The following MAPK10 variants were observed in gnomAD, a reference collection of about 807,000 sequenced individuals.
The protein encoded by MAPK10 is mitogen-activated protein kinase 10.
In MAPK10, 25 loss-of-function variants were observed where a neutral mutation model predicts 59.3. The ratio of observed to expected loss-of-function variants is 0.42; its 90% CI spans 0.31 to 0.59. The LOEUF is 0.59. MAPK10 is among the 20% of genes least tolerant of loss of function. The pLI is 0.15. For synonymous variants in MAPK10, 190 were observed against 200.5 expected, an observed-to-expected ratio of 0.95 and a Z score of 0.44; for missense variants, 351 against 568.9, an observed-to-expected ratio of 0.62 and a Z score of 3.90.
At chr4:86,133,708 G>A (rs2061411336) in intron 4 of MAPK10, among the ~76,000 whole-genome samples, 3 of 152,208 alleles carry the variant, frequency 2.0e-5, no homozygotes, top group Admixed American at 2.0e-4. Flanking sequence ...GATTTTGGGT[G>A]TTGAGCCAGA....
chr4:86,590,344 A>C (rs1239114844), intron 1 of MAPK10, among the ~76,000 whole-genome samples: 1 of 152,070 alleles, frequency 6.6e-6, no homozygotes, highest in African/African-American at 2.4e-5. Context: ...TCTAATTTAT[A>C]CTTTATTTTA....
intron 11 of MAPK10, among the ~76,000 whole-genome samples, chr4:86,038,348 ATAT>A (rs1400940223): frequency 6.6e-6 from 1 of 152,192 alleles, no homozygotes; most frequent in Non-Finnish European, 1.5e-5. Flanking sequence ...AAAGTAAATG[ATAT>A]TATATCTTAC....
intron 2 of MAPK10, among the ~76,000 whole-genome samples, chr4:86,281,976 C>T (rs961379229): frequency 6.6e-6 from 1 of 151,996 alleles, no homozygotes; most frequent in Non-Finnish European, 1.5e-5. Flanking sequence ...TAGATAAAGG[C>T]CATGGCTATC....
rs61747621 is a variant in MAPK10, at chr4:86,064,296, G to C, written c.1080C>G (p.Asn360Lys). The change falls in exon 11 of 14, where the codon AAC (asparagine) becomes AAG (lysine). Residue 360 changes from asparagine (N) to lysine (K), a missense_variant. Asn to Lys is a moderately conservative substitution (Grantham distance 94, BLOSUM62 0). This residue lies in a region of MAPK10 where 155 missense variants were observed against 204.2 expected (regional missense o/e 0.76). Transcript: ENST00000641462. ...VDDALQHPYINVWYDPAEVEA... is the reference protein window; with the variant it reads ...VDDALQHPYIKVWYDPAEVEA... ...CCACTTCGGCTGGGTCATACCAGAC[G>C]TTGATGTAGGGATGCTGTAAGGCGT... 1.2e-6 allele frequency: 2 copies of C among 1,614,134 alleles called. No homozygotes were observed.
chr4:86,322,394 A>C (rs1419473875), intron 2 of MAPK10, among the ~76,000 whole-genome samples: 1 of 152,260 alleles, frequency 6.6e-6, no homozygotes, highest in African/African-American at 2.4e-5. Context: ...CAGAGAATAA[A>C]GCAGCAGAAA....
chr4:86,589,155 A>G (rs1315414679), intron 1 of MAPK10, among the ~76,000 whole-genome samples: 2 of 151,286 alleles, frequency 1.3e-5, no homozygotes, highest in Non-Finnish European at 3.0e-5. Flanking sequence ...TTGGTAACAG[A>G]AAAAAAAATG....
intron 1 of MAPK10, among the ~76,000 whole-genome samples, chr4:86,393,186 T>G (rs192806313): frequency 2.6e-5 from 4 of 152,196 alleles, no homozygotes; most frequent in Admixed American, 1.3e-4. Context: ...AAAGGAACGG[T>G]TTTTACCCCC....
chr4:86,245,980 T>C (rs1023963574), intron 2 of MAPK10, among the ~76,000 whole-genome samples: 1 of 152,190 alleles, frequency 6.6e-6, no homozygotes, highest in Non-Finnish European at 1.5e-5. Context: ...TTAGAATAAA[T>C]AGGCAAATAA....
rs2056726651 is a variant in MAPK10, at chr4:86,107,343, A to G, written c.246T>C (p.Tyr82=). 6 of 1,612,870 alleles carry G rather than the reference A, an allele frequency of 3.7e-6. No individual in the cohort carries two copies. Among genetic ancestry groups the G allele is most frequent in the Middle Eastern group, 1.6e-4 (1 of 6,068 alleles). ...SGAQGIVCAA[Y]DAVLDRNVAI... Reference sequence around the variant, plus strand: ...CCACATTTCTGTCAAGGACAGCATCATACGCGGCACTGTAGAGATCCAAGA... The same window carrying G: ...CCACATTTCTGTCAAGGACAGCATCGTACGCGGCACTGTAGAGATCCAAGA... Residue 82 remains tyrosine (Y), a synonymous_variant, in exon 5 of 14, where the codon TAT becomes TAC. Transcript: ENST00000641462.
At chr4:86,218,363 G>A (rs1417061893) in intron 2 of MAPK10, among the ~76,000 whole-genome samples, 1 of 152,016 alleles carries the variant, frequency 6.6e-6, no homozygotes, top group Non-Finnish European at 1.5e-5. Context: ...TCTATTTTTA[G>A]TAGAGACAGG....
chr4:86,019,909 T>C (rs148333803), intron 13 of MAPK10, among the ~76,000 whole-genome samples: 66 of 152,360 alleles, frequency 4.3e-4, no homozygotes, highest in Non-Finnish European at 7.3e-4. Flanking sequence ...AGGTATAGAA[T>C]GATGCTCATA....
intron 2 of MAPK10, among the ~76,000 whole-genome samples, chr4:86,297,889 G>A (rs2095398444): frequency 6.6e-6 from 1 of 152,170 alleles, no homozygotes; most frequent in South Asian, 2.1e-4. Flanking sequence ...AGATGGCATA[G>A]AAGATCTCTC....
intron 2 of MAPK10, among the ~76,000 whole-genome samples, chr4:86,214,519 A>AC (rs1563181890): frequency 1.3e-3 from 168 of 125,840 alleles, no homozygotes; most frequent in African/African-American, 7.0e-3. Flanking sequence ...CTTAAAAAAA[A>AC]AAAAAAAAAA....
At chr4:86,587,698 A>G (rs1565083338) in intron 1 of MAPK10, among the ~76,000 whole-genome samples, 1 of 152,382 alleles carries the variant, frequency 6.6e-6, no homozygotes, top group East Asian at 1.9e-4. Context: ...GATGAACACA[A>G]GAAGCCAGCT....
chr4:86,147,094 AT>A (rs992545089), intron 4 of MAPK10, among the ~76,000 whole-genome samples: 12 of 147,704 alleles, frequency 8.1e-5, no homozygotes, highest in East Asian at 2.0e-4. Context: ...TCTTCTTCTT[AT>A]TTTTTTTTTG....
At chr4:86,108,146 A>G (rs1220178435) in intron 4 of MAPK10, among the ~76,000 whole-genome samples, 2 of 152,242 alleles carry the variant, frequency 1.3e-5, no homozygotes, top group Non-Finnish European at 2.9e-5. Context: ...ATTTAAATAC[A>G]AAGACAAAAA....
chr4:86,471,523 T>A (rs1296797178), intron 1 of MAPK10, among the ~76,000 whole-genome samples: 2 of 152,156 alleles, frequency 1.3e-5, no homozygotes, highest in African/African-American at 2.4e-5. Flanking sequence ...TTGCCTGGAT[T>A]TATATTTGAA....
At chr4:86,275,620 T>C (rs1421638683) in intron 2 of MAPK10, among the ~76,000 whole-genome samples, 2 of 152,008 alleles carry the variant, frequency 1.3e-5, no homozygotes, top group African/African-American at 2.4e-5. Flanking sequence ...TAATTGTGGT[T>C]TTTGCTACTA....
intron 13 of MAPK10, chr4:86,025,464 T>A (rs972752402): frequency 5.0e-6 from 2 of 398,168 alleles, no homozygotes; most frequent in African/African-American, 4.1e-5. Context: ...CTTTAAGTTG[T>A]TAAATTACTG....
Sources: gnomAD v4.1 joint callset for allele counts (sites outside exome capture counted in the v4.1 genomes callset) on GRCh38, gnomAD v4.1.1 for gene constraint, gnomAD v4.1.1 regional missense constraint, MANE v1.5 for transcripts, NCBI Gene and HGNC (gene_info 2026-07-23, HGNC 2026-07-21) for gene names.